Variants in GLIS3 observed in about 807,000 individuals in gnomAD.
GLIS3 encodes GLIS family zinc finger 3, also known as zinc finger protein GLIS3.
GLIS3 carries 53 observed loss-of-function variants against 78.6 expected under a neutral mutation model. The observed-to-expected ratio is 0.67, with a 90% CI of 0.54 to 0.85. The LOEUF is 0.85. GLIS3 is among the 40% of genes least tolerant of loss of function. The probability of loss-of-function intolerance (pLI) is 0.00; values close to 1 mark genes in which losing one functional copy is unlikely to be tolerated. For synonymous variants in GLIS3, 684 were observed against 509.9 expected, an observed-to-expected ratio of 1.34 and a Z score of -4.60; for missense variants, 1,703 against 1,231.1, an observed-to-expected ratio of 1.38 and a Z score of -5.74.
chr9:4,120,727 G>A (rs979874425), intron 3 of GLIS3, among the ~76,000 whole-genome samples: 2 of 152,196 alleles, frequency 1.3e-5, no homozygotes, highest in African/African-American at 4.8e-5. Flanking sequence ...CAGAGCTTTG[G>A]CAGAGCTACA....
chr9:4,117,672 C>G, intron 4 of GLIS3, 96 bp downstream of exon 4: 1 of 1,362,048 alleles, frequency 7.3e-7, no homozygotes, highest in South Asian at 1.2e-5. Context: ...GACCCCCACG[C>G]ATGCAAACTC....
At chr9:4,465,677 G>A in the GLIS3 span, among the ~76,000 whole-genome samples, 31 of 152,150 alleles carry the variant, frequency 2.0e-4, 1 homozygote, top group Admixed American at 1.7e-3. Flanking sequence ...CATATTGCAT[G>A]CCTGTATCAA....
intron 2 of GLIS3, among the ~76,000 whole-genome samples, chr9:4,141,910 C>G (rs998418550): frequency 4.6e-5 from 7 of 152,146 alleles, no homozygotes; most frequent in African/African-American, 1.7e-4. Context: ...TATTTTTTAA[C>G]TTATAAGAGA....
intron 4 of GLIS3, among the ~76,000 whole-genome samples, chr9:4,077,000 C>T (rs975263012): frequency 1.3e-5 from 2 of 152,150 alleles, no homozygotes; most frequent in Non-Finnish European, 1.5e-5. Context: ...TGGAGGTTGC[C>T]GTGAGCTGAG....
At chr9:4,373,770 C>T in the GLIS3 span, among the ~76,000 whole-genome samples, 1 of 151,422 alleles carries the variant, frequency 6.6e-6, no homozygotes, top group Non-Finnish European at 1.5e-5. Flanking sequence ...TGGGTTCAAG[C>T]AATTCTCCTG....
chr9:4,435,809 C>T, the GLIS3 span, among the ~76,000 whole-genome samples: 13 of 152,152 alleles, frequency 8.5e-5, no homozygotes, highest in South Asian at 8.3e-4. Context: ...ATTAGCCGGG[C>T]GTGGTGGCAG....
chr9:4,104,321 G>C (rs989381077), intron 4 of GLIS3, among the ~76,000 whole-genome samples: 1 of 151,998 alleles, frequency 6.6e-6, no homozygotes, highest in Non-Finnish European at 1.5e-5. Flanking sequence ...AAACCTTAAA[G>C]TTACCTCTGA....
intron 2 of GLIS3, among the ~76,000 whole-genome samples, chr9:4,256,676 T>C (rs924240768): frequency 2.0e-5 from 3 of 152,236 alleles, no homozygotes; most frequent in Non-Finnish European, 4.4e-5. Flanking sequence ...TAAAATTCAC[T>C]TTATTGTAGA....
chr9:3,962,946 A>AGGC (rs1554659069), intron 4 of GLIS3, among the ~76,000 whole-genome samples: 5 of 118,886 alleles, frequency 4.2e-5, no homozygotes, highest in African/African-American at 1.6e-4. Context: ...CTGTGATTTA[A>AGGC]GGGGGGGGGG....
chr9:4,450,178 G>C, the GLIS3 span, among the ~76,000 whole-genome samples: 1 of 152,140 alleles, frequency 6.6e-6, no homozygotes, highest in Non-Finnish European at 1.5e-5. Flanking sequence ...TGAAAATCAC[G>C]ACACGAGAAC....
At chr9:3,850,151 A>G (rs545744968) in intron 9 of GLIS3, among the ~76,000 whole-genome samples, 1 of 152,364 alleles carries the variant, frequency 6.6e-6, no homozygotes, top group South Asian at 2.1e-4. Flanking sequence ...CAGTGTGGCT[A>G]TAGGCTCCTG....
the GLIS3 span, among the ~76,000 whole-genome samples, chr9:4,358,352 G>C: frequency 2.2e-4 from 34 of 151,992 alleles, no homozygotes; most frequent in Non-Finnish European, 4.6e-4. Flanking sequence ...ATACAAAGTT[G>C]ATAAATTTAT....
chr9:4,372,446 G>T, the GLIS3 span, among the ~76,000 whole-genome samples: 1 of 151,318 alleles, frequency 6.6e-6, no homozygotes, highest in African/African-American at 2.4e-5. Flanking sequence ...CTGTAAGCAT[G>T]TCTTCAACAT....
chr9:4,181,038 A>G (rs1171453796), intron 2 of GLIS3, among the ~76,000 whole-genome samples: 2 of 152,206 alleles, frequency 1.3e-5, no homozygotes, highest in African/African-American at 4.8e-5. Context: ...GACAGGTAAG[A>G]TGAGCTGAGT....
At chr9:4,077,752 C>G (rs552657825) in intron 4 of GLIS3, among the ~76,000 whole-genome samples, 1 of 152,282 alleles carries the variant, frequency 6.6e-6, no homozygotes, top group South Asian at 2.1e-4. Flanking sequence ...TTGTCAGCGT[C>G]CCTCCACTAA....
At chr9:4,297,839 G>A (rs1367406101) in intron 1 of GLIS3, among the ~76,000 whole-genome samples, 2 of 152,210 alleles carry the variant, frequency 1.3e-5, no homozygotes, top group South Asian at 2.1e-4. Context: ...CCGGGAGCGG[G>A]GGAGAGGCGC....
chr9:4,115,509 A>AT (rs933404683), intron 4 of GLIS3, among the ~76,000 whole-genome samples: 2 of 152,014 alleles, frequency 1.3e-5, no homozygotes, highest in Non-Finnish European at 1.5e-5. Flanking sequence ...AGAAAAATAC[A>AT]TTTTTTTCCA....
chr9:4,253,152 TC>T (rs1406650465), intron 2 of GLIS3, among the ~76,000 whole-genome samples: 1 of 152,234 alleles, frequency 6.6e-6, no homozygotes, highest in African/African-American at 2.4e-5. Flanking sequence ...TGCTGGGAGA[TC>T]CGCTGCTCTC....
the GLIS3 span, among the ~76,000 whole-genome samples, chr9:4,489,634 T>C: frequency 6.6e-6 from 1 of 152,168 alleles, no homozygotes; most frequent in African/African-American, 2.4e-5. Context: ...TAACCTAGTT[T>C]CTCCTGTGTT....
Sources: gnomAD v4.1 joint callset for allele counts (sites outside exome capture counted in the v4.1 genomes callset) on GRCh38, gnomAD v4.1.1 for gene constraint, MANE v1.5 for transcripts, NCBI Gene and HGNC (gene_info 2026-07-23, HGNC 2026-07-21) for gene names.